The following LRRTM3 variants were observed in gnomAD, a reference collection of about 807,000 sequenced individuals.
LRRTM3 encodes the protein leucine rich repeat transmembrane neuronal 3.
Under a neutral mutation model 44.7 loss-of-function variants are expected in LRRTM3, and 24 were observed. That is an observed-to-expected ratio of 0.54 (90% CI 0.39 to 0.76). The LOEUF (loss-of-function observed/expected upper bound fraction) is 0.76, where lower values mean the gene tolerates loss of function less well. Among genes scored for constraint, LRRTM3 ranks in the 30% least tolerant of loss-of-function variants. LRRTM3 has a pLI of 0.00. For missense variants in LRRTM3, 587 were observed against 702.2 expected, an observed-to-expected ratio of 0.84 and a Z score of 1.85; for synonymous variants, 277 against 278.7, an observed-to-expected ratio of 0.99 and a Z score of 0.06.
In LRRTM3 at chr10:67,043,997, T is replaced by C. The variant is rs147622660; in HGVS notation, c.1537-53590T>C. Among the ~76,000 whole-genome samples the C allele has an allele frequency of 8.8e-4, 134 of 152,010 alleles. 3 individuals carry two copies. Among genetic ancestry groups the C allele is most frequent in the African/African-American group, 3.1e-3 (130 of 41,482 alleles). On this transcript the variant is annotated intron_variant, in intron 2 of 2. Transcript: ENST00000361320. Reference sequence around the variant, plus strand: ...TACATGGACAGGTTTGTTACATTGATACACTGTGTGATGCTGAGGTTTGGG... The same window carrying C: ...TACATGGACAGGTTTGTTACATTGACACACTGTGTGATGCTGAGGTTTGGG...
chr10:67,045,260 T>C (rs1377289551), intron 2 of LRRTM3, among the ~76,000 whole-genome samples: 1 of 152,140 alleles, frequency 6.6e-6, no homozygotes, highest in Non-Finnish European at 1.5e-5. Context: ...TTTGTGACAG[T>C]AGAGTATAAA....
At chr10:67,017,091 G>C (rs186107715) in intron 2 of LRRTM3, among the ~76,000 whole-genome samples, 226 of 152,228 alleles carry the variant, frequency 1.5e-3, no homozygotes, top group African/African-American at 4.9e-3. Context: ...CAGATTTATA[G>C]CTAATCATTG....
intron 2 of LRRTM3, among the ~76,000 whole-genome samples, chr10:67,043,579 A>C (rs1005291232): frequency 2.6e-5 from 4 of 152,126 alleles, no homozygotes; most frequent in Admixed American, 2.6e-4. Context: ...ATCTTTCCTC[A>C]GTCATTGATG....
chr10:67,094,383 T>C (rs1857840634), intron 2 of LRRTM3, among the ~76,000 whole-genome samples: 2 of 151,878 alleles, frequency 1.3e-5, no homozygotes, highest in South Asian at 4.1e-4. Context: ...AAGTAAAATT[T>C]ATTTTCATTC....
intron 2 of LRRTM3, among the ~76,000 whole-genome samples, chr10:66,995,979 AC>A (rs1851309924): frequency 6.6e-6 from 1 of 152,208 alleles, no homozygotes. Flanking sequence ...AATTATTTTC[AC>A]ATTACCTTAC....
chr10:66,926,487 C>G lies in LRRTM3; in HGVS notation c.-97C>G, dbSNP rs1173600112. On this transcript the variant is annotated 5_prime_UTR_variant, in exon 1 of 3. Coordinates refer to ENST00000361320, the MANE Select transcript of LRRTM3 (RefSeq NM_178011.5). ...ATTTTTCTTCCTGGGTGTCAGCGAG[C>G]CCTGACTCACTACAGTGCAGCTGAC... 2 of 1,408,842 alleles carry G rather than the reference C, an allele frequency of 1.4e-6. No individual in the cohort carries two copies. The highest frequency in any genetic ancestry group is 1.4e-5 in the African/African-American group (1 of 69,538). The allele number at this position is 1,408,842 out of a possible 1,614,324, so 87.3% of individuals were successfully genotyped here.
chr10:67,027,977 T>C lies in LRRTM3; in HGVS notation c.1537-69610T>C, dbSNP rs545792906. Among the ~76,000 whole-genome samples, 5 of 152,318 alleles carry C rather than the reference T, an allele frequency of 3.3e-5. No individual in the cohort carries two copies. The South Asian group carries it at 1.0e-3, about 32-fold the overall frequency. Reference sequence around the variant, plus strand: ...CATCTGTTTTCTCACTTGACCCTCATAACAACCCTGTGAAGCAAGTAAGGT... The same window carrying C: ...CATCTGTTTTCTCACTTGACCCTCACAACAACCCTGTGAAGCAAGTAAGGT... On this transcript the variant is annotated intron_variant, in intron 2 of 2. Transcript: ENST00000361320.
At chr10:67,048,245 G>A (rs1429638010) in intron 2 of LRRTM3, among the ~76,000 whole-genome samples, 3 of 151,982 alleles carry the variant, frequency 2.0e-5, no homozygotes, top group South Asian at 2.1e-4. Context: ...TTATATAAAC[G>A]AGGAAGAAAA....
intron 2 of LRRTM3, among the ~76,000 whole-genome samples, chr10:67,067,700 G>A (rs747757355): frequency 3.9e-5 from 6 of 152,088 alleles, no homozygotes; most frequent in Non-Finnish European, 7.4e-5. Flanking sequence ...ATAAGAAACT[G>A]GAAAACATAG....
At chr10:67,062,868 T>G (rs1417991807) in intron 2 of LRRTM3, among the ~76,000 whole-genome samples, 1 of 152,190 alleles carries the variant, frequency 6.6e-6, no homozygotes, top group Admixed American at 6.5e-5. Context: ...CTGAAGTTTG[T>G]GTGGGCTTCT....
chr10:66,957,863 T>TA (rs926605073), intron 2 of LRRTM3, among the ~76,000 whole-genome samples: 4 of 151,946 alleles, frequency 2.6e-5, no homozygotes, highest in African/African-American at 4.8e-5. Flanking sequence ...CCAGAGAAAT[T>TA]AGAGTTCTCC....
rs566352984 is a variant in LRRTM3 at position 66,935,635 on chromosome 10, T to A, written c.1536+7183T>A. Among the ~76,000 whole-genome samples the A allele has an allele frequency of 1.3e-4, 20 of 151,988 alleles. 1 individual carries two copies. Among genetic ancestry groups the A allele is most frequent in the Middle Eastern group, 3.4e-3 (1 of 292 alleles). ...CGTATGTTGTACATGCCTAAAAAAA[T>A]ATATATATATTTTCCTATTAGGTGA... On this transcript the variant is annotated intron_variant, in intron 2 of 2. Transcript: ENST00000361320.
intron 2 of LRRTM3, among the ~76,000 whole-genome samples, chr10:66,999,938 T>C (rs1851580202): frequency 6.6e-6 from 1 of 152,222 alleles, no homozygotes; most frequent in Non-Finnish European, 1.5e-5. Context: ...TTTAGATCAG[T>C]GACTAGATTT....
intron 2 of LRRTM3, among the ~76,000 whole-genome samples, chr10:66,967,062 G>C (rs1589511020): frequency 6.6e-6 from 1 of 151,966 alleles, no homozygotes; most frequent in African/African-American, 2.4e-5. Context: ...ATAGAACCTG[G>C]TACCACTATA....
In LRRTM3 at chr10:66,928,377, C is replaced by T. The variant is rs760637632; in HGVS notation, c.1461C>T (p.Asn487=). The part of the protein sequence containing the change: ...QEFYVDYKPT[N]TETSEMLLNG... ...TTTATGTAGATTATAAACCCACCAA[C>T]ACGGAGACCAGCGAGATGCTGCTGA... is the stretch of plus-strand genomic sequence containing the variant. Residue 487 remains asparagine, a synonymous_variant, in exon 2 of 3, where the codon AAC becomes AAT. Transcript: ENST00000361320. 2.2e-5 allele frequency: 36 copies of T among 1,614,166 alleles called. No homozygotes were observed. The highest frequency in any genetic ancestry group is 2.8e-5 in the Non-Finnish European group (33 of 1,180,026).
chr10:67,011,028 TTGTCAACTA>T lies in LRRTM3; in HGVS notation c.1536+82583_1536+82591del, dbSNP rs1384436414. Among the ~76,000 whole-genome samples, 5 of 152,088 alleles carry T rather than the reference TTGTCAACTA, an allele frequency of 3.3e-5. No individual in the cohort carries two copies. In the South Asian group the frequency reaches 6.2e-4, roughly 19 times the overall value. On this transcript the variant is annotated intron_variant, in intron 2 of 2. Transcript: ENST00000361320. Reference sequence around the variant, plus strand: ...ATTATTAAACTGAAATTAAGATTATTTGTCAACTATGTCAATATAGGCCAGGCGCGGTGG... The same window carrying T: ...ATTATTAAACTGAAATTAAGATTATTTGTCAATATAGGCCAGGCGCGGTGG...
chr10:66,948,251 G>A (rs1848373422), intron 2 of LRRTM3, among the ~76,000 whole-genome samples: 1 of 152,118 alleles, frequency 6.6e-6, no homozygotes, highest in South Asian at 2.1e-4. Context: ...GAAAAACCTG[G>A]TAGTTGAGGC....
rs1256284185 is a variant in LRRTM3, at chr10:67,098,628, G to GT, written c.*834dup. On this transcript the variant is annotated 3_prime_UTR_variant, in exon 3 of 3. Coordinates refer to ENST00000361320, the MANE Select transcript of LRRTM3 (RefSeq NM_178011.5). ...TTCTTTTGAGTAACCATTGTTAAGG[G>GT]TTGGGGGAAAGCATGGACAAAACAT... 2 of 152,302 alleles carry GT rather than the reference G, an allele frequency of 1.3e-5. No individual in the cohort carries two copies. The highest frequency in any genetic ancestry group is 2.9e-5 in the Non-Finnish European group (2 of 67,896). 9.4% of individuals were successfully genotyped at this position (152,302 alleles called of 1,614,324 possible).
Position 66,976,895 on chromosome 10 carries a change from A to G in LRRTM3, c.1536+48443A>G, listed in dbSNP as rs368419439. Among the ~76,000 whole-genome samples, 18 of 152,294 alleles carry G rather than the reference A, an allele frequency of 1.2e-4. No individual in the cohort carries two copies. The East Asian group carries it at 3.3e-3, about 28-fold the overall frequency. ...GTCTAAAGACAGTGATTGCTTTCCAAATAACTACTTTGATGTGCTTATCAT... is the reference window on the plus strand; with the variant it reads ...GTCTAAAGACAGTGATTGCTTTCCAGATAACTACTTTGATGTGCTTATCAT... On this transcript the variant is annotated intron_variant, in intron 2 of 2. Transcript: ENST00000361320.
Sources: gnomAD v4.1 joint callset for allele counts (sites outside exome capture counted in the v4.1 genomes callset) on GRCh38, gnomAD v4.1.1 for gene constraint, MANE v1.5 for transcripts, NCBI Gene and HGNC (gene_info 2026-07-23, HGNC 2026-07-21) for gene names.